CBLN2: variants seen among roughly 807,000 people sequenced by gnomAD.
The protein encoded by CBLN2 is cerebellin 2 precursor.
CBLN2 carries 7 observed loss-of-function variants against 15.0 expected under a neutral mutation model. That is an observed-to-expected ratio of 0.47 (90% CI 0.27 to 0.88). The LOEUF (loss-of-function observed/expected upper bound fraction) is 0.88, where lower values mean the gene tolerates loss of function less well. Ranked by LOEUF, CBLN2 falls within the 40% of genes least tolerant of loss-of-function variation. The probability of loss-of-function intolerance (pLI) is 0.14; values close to 1 mark genes in which losing one functional copy is unlikely to be tolerated. For missense variants in CBLN2, 242 were observed against 304.5 expected (o/e 0.79, Z 1.53); for synonymous variants, 149 against 135.2 (o/e 1.10, Z -0.71).
intron 1 of CBLN2, among the ~76,000 whole-genome samples, chr18:72,578,184 A>T (rs1265058828): frequency 2.0e-5 from 3 of 152,210 alleles, no homozygotes; most frequent in Admixed American, 6.5e-5. Context: ...TGGTAGGTGT[A>T]ATCTTAAAGT....
intron 4 of CBLN2, 69 bp downstream of exon 4, chr18:72,538,584 T>C: frequency 1.3e-6 from 2 of 1,595,212 alleles, no homozygotes; most frequent in Non-Finnish European, 1.7e-6. Context: ...AGAGACCAGG[T>C]GAAGGGGCCT....
chr18:72,601,301 TCTTA>T (rs1319014720), intron 1 of CBLN2, among the ~76,000 whole-genome samples: 1 of 152,176 alleles, frequency 6.6e-6, no homozygotes, highest in East Asian at 1.9e-4. Context: ...GTCAGATTAC[TCTTA>T]CTGTCACAAT....
upstream of CBLN2, among the ~76,000 whole-genome samples, chr18:72,549,080 C>T (rs1219406252): frequency 6.6e-6 from 1 of 152,106 alleles, no homozygotes; most frequent in Non-Finnish European, 1.5e-5. Context: ...GACACAATCT[C>T]AGCTCACTGC....
intron 1 of CBLN2, chr18:72,625,053 G>T (rs1012717540): frequency 2.0e-5 from 3 of 152,118 alleles, no homozygotes; most frequent in Non-Finnish European, 4.4e-5. Flanking sequence ...GCTTTAGGGA[G>T]CCTCTCTCCA....
At chr18:72,628,859 A>G (rs1453446564) in intron 1 of CBLN2, among the ~76,000 whole-genome samples, 2 of 152,108 alleles carry the variant, frequency 1.3e-5, no homozygotes, top group Middle Eastern at 3.2e-3. Flanking sequence ...TGTTTTTCTT[A>G]AGTTGTGACA....
intron 1 of CBLN2, among the ~76,000 whole-genome samples, chr18:72,607,125 C>G (rs1329568651): frequency 6.6e-6 from 1 of 152,174 alleles, no homozygotes; most frequent in Non-Finnish European, 1.5e-5. Flanking sequence ...GGAGAACACC[C>G]TGTGAACATG....
At chr18:72,637,669 A>G (rs1478896032) in intron 1 of CBLN2, among the ~76,000 whole-genome samples, 1 of 152,204 alleles carries the variant, frequency 6.6e-6, no homozygotes, top group Non-Finnish European at 1.5e-5. Flanking sequence ...ATTCAGTGAA[A>G]TCAAAATACA....
intron 1 of CBLN2, among the ~76,000 whole-genome samples, chr18:72,634,633 T>A (rs755907621): frequency 6.6e-6 from 1 of 152,168 alleles, no homozygotes; most frequent in Non-Finnish European, 1.5e-5. Flanking sequence ...AAAAATTAGT[T>A]ACACTATTCT....
rs370061059 is a variant in CBLN2, at chr18:72,617,297, C to T, written c.15+21028G>A. Among the ~76,000 whole-genome samples, 15 of 151,988 alleles carry T rather than the reference C, an allele frequency of 9.9e-5. 1 individual carries two copies. In the East Asian group the frequency reaches 1.2e-3, roughly 12 times the overall value. ...TCTTATTCTCCTTGGGTATGCTCTCCGTAAACTTATACATGTTTACTGATT... is the reference window on the plus strand; with the variant it reads ...TCTTATTCTCCTTGGGTATGCTCTCTGTAAACTTATACATGTTTACTGATT... On this transcript the variant is annotated intron_variant, in intron 1 of 2. Coordinates refer to the CBLN2 transcript ENST00000581073.
intron 1 of CBLN2, among the ~76,000 whole-genome samples, chr18:72,606,076 T>C (rs939419689): frequency 4.6e-5 from 7 of 152,264 alleles, no homozygotes; most frequent in Non-Finnish European, 1.0e-4. Context: ...CTGCATTTGC[T>C]GTCACCACAT....
chr18:72,542,683 A>G (rs1318092409), intron 2 of CBLN2, among the ~76,000 whole-genome samples: 1 of 152,096 alleles, frequency 6.6e-6, no homozygotes, highest in African/African-American at 2.4e-5. Context: ...AGAAAAACCT[A>G]CGAATGCTTG....
chr18:72,565,236 C>A (rs569657557), intron 1 of CBLN2, among the ~76,000 whole-genome samples: 23 of 152,138 alleles, frequency 1.5e-4, no homozygotes, highest in Middle Eastern at 3.4e-3. Flanking sequence ...GACAAATTCA[C>A]AATAGTCTAT....
chr18:72,586,601 T>C (rs2069445000), intron 1 of CBLN2, among the ~76,000 whole-genome samples: 1 of 152,222 alleles, frequency 6.6e-6, no homozygotes. Context: ...CGGTTAAGCA[T>C]TCAGCTTAAG....
chr18:72,538,472 C>G, intron 4 of CBLN2, 99 bp from the exon 5 acceptor site: 1 of 1,462,790 alleles, frequency 6.8e-7, no homozygotes, highest in South Asian at 1.2e-5. Context: ...CCCCATCCTT[C>G]CCTTAGAGTA....
At chr18:72,584,601 C>T (rs964037463) in intron 1 of CBLN2, among the ~76,000 whole-genome samples, 1 of 152,090 alleles carries the variant, frequency 6.6e-6, no homozygotes, top group Non-Finnish European at 1.5e-5. Flanking sequence ...CATGCCCAGC[C>T]TACAATCTTA....
intron 1 of CBLN2, among the ~76,000 whole-genome samples, chr18:72,591,035 A>G (rs2069476818): frequency 6.6e-6 from 1 of 152,230 alleles, no homozygotes; most frequent in African/African-American, 2.4e-5. Flanking sequence ...TATTCAGCCC[A>G]TCTCTAGCTG....
At chr18:72,609,405 A>G (rs2069605922) in intron 1 of CBLN2, among the ~76,000 whole-genome samples, 1 of 152,024 alleles carries the variant, frequency 6.6e-6, no homozygotes, top group Non-Finnish European at 1.5e-5. Context: ...CAGAGGAGAG[A>G]CCATTTGAAG....
Position 72,605,991 on chromosome 18 carries a change from T to TCCAGTCAATCCAGTGG in CBLN2, c.15+32333_15+32334insCCACTGGATTGACTGG, listed in dbSNP as rs1402701891. On this transcript the variant is annotated intron_variant, in intron 1 of 2. Coordinates refer to the CBLN2 transcript ENST00000581073. ...TTCCTTTTGGTCAAGTCTCAAAGCA[T>TCCAGTCAATCCAGTGG]TCAATCACTCCAGTGCCAATGTGGT... Among the ~76,000 whole-genome samples, 145 of 152,324 alleles carry TCCAGTCAATCCAGTGG rather than the reference T, an allele frequency of 9.5e-4. 1 individual carries two copies. Among genetic ancestry groups the TCCAGTCAATCCAGTGG allele is most frequent in the Admixed American group, 3.3e-3 (51 of 15,300 alleles).
At chr18:72,544,423 G>C (rs2069143329), upstream of CBLN2, 1 of 152,160 alleles carries the variant, frequency 6.6e-6, no homozygotes, top group African/African-American at 2.4e-5. Context: ...GACGCGCTGG[G>C]TTTCCCAGCT....
Sources: allele counts gnomAD v4.1 joint callset (sites outside exome capture counted in the v4.1 genomes callset), GRCh38; gene constraint gnomAD v4.1.1; transcripts MANE v1.5; gene names NCBI Gene and HGNC (gene_info 2026-07-23, HGNC 2026-07-21).